MYPN: variants seen among roughly 807,000 people sequenced by gnomAD.
The protein encoded by MYPN is myopalladin.
In MYPN, 63 loss-of-function variants were observed where a neutral mutation model predicts 129.4. The observed-to-expected ratio is 0.49, with a 90% CI of 0.40 to 0.60. MYPN has a LOEUF of 0.60. MYPN is among the 20% of genes least tolerant of loss of function. The pLI is 0.00. For synonymous variants in MYPN, 629 were observed against 600.9 expected (o/e 1.05, Z -0.68); for missense variants, 1,596 against 1,635.4 (o/e 0.98, Z 0.42).
intron 10 of MYPN, among the ~76,000 whole-genome samples, chr10:68,173,550 G>T (rs1457143090): frequency 6.6e-6 from 1 of 151,784 alleles, no homozygotes; most frequent in African/African-American, 2.4e-5. Flanking sequence ...CTCTGGTTGT[G>T]TGTTCTTTAT....
rs59317396 is a variant in MYPN, at chr10:68,169,181, TAA to T, written c.1973+2541_1973+2542del. Among the ~76,000 whole-genome samples, 384 of 90,996 alleles carry T rather than the reference TAA, an allele frequency of 4.2e-3. 1 individual carries two copies. Among genetic ancestry groups the T allele is most frequent in the Non-Finnish European group, 5.6e-3 (300 of 53,798 alleles). The allele number at this position is 90,996 out of a possible 152,430, so 59.7% of individuals were successfully genotyped here. ...TAACACGGTGAAACTCCGTCTCTAC[TAA>T]AAAAAAAAAAAAAAAAAAAAAAAAA... is the stretch of plus-strand genomic sequence containing the variant. On this transcript the variant is annotated intron_variant, in intron 10 of 19. Transcript: ENST00000358913.
At chr10:68,142,292 A>G (rs1293025791) in intron 2 of MYPN, among the ~76,000 whole-genome samples, 2 of 152,302 alleles carry the variant, frequency 1.3e-5, no homozygotes, top group East Asian at 3.9e-4. Flanking sequence ...ACATTATTTT[A>G]TATAGTATTT....
intron 10 of MYPN, among the ~76,000 whole-genome samples, chr10:68,167,149 C>G (rs1331150359): frequency 6.6e-6 from 1 of 152,194 alleles, no homozygotes; most frequent in East Asian, 1.9e-4. Flanking sequence ...TCACTATTAT[C>G]CTTAATTAAT....
chr10:68,171,649 T>C (rs1454292344), intron 10 of MYPN, among the ~76,000 whole-genome samples: 1 of 152,230 alleles, frequency 6.6e-6, no homozygotes, highest in Non-Finnish European at 1.5e-5. Flanking sequence ...GGTTCATTTG[T>C]CTTTTACAGT....
chr10:68,186,365 A>G (rs899102217), intron 12 of MYPN, among the ~76,000 whole-genome samples: 1 of 152,196 alleles, frequency 6.6e-6, no homozygotes, highest in African/African-American at 2.4e-5. Flanking sequence ...TGAATGTATA[A>G]GGCAGTAATT....
chr10:68,125,443 G>T (rs760998910), intron 2 of MYPN, among the ~76,000 whole-genome samples: 5 of 152,116 alleles, frequency 3.3e-5, no homozygotes, highest in Admixed American at 3.3e-4. Flanking sequence ...AGAATTGTCC[G>T]AGTAGACTAT....
intron 2 of MYPN, among the ~76,000 whole-genome samples, chr10:68,130,358 G>A (rs1198808999): frequency 6.6e-6 from 1 of 151,878 alleles, no homozygotes; most frequent in Admixed American, 6.6e-5. Context: ...TACTCGGGAG[G>A]CTGAGGCAGG....
At chr10:68,179,208 C>T (rs10997980) in intron 12 of MYPN, among the ~76,000 whole-genome samples, 10,601 of 152,146 alleles carry the variant, frequency 0.07, 502 homozygotes, top group East Asian at 0.27. Flanking sequence ...ATAGTCATGC[C>T]ATTCATTCCC....
chr10:68,129,171 T>A (rs977778253), intron 2 of MYPN, among the ~76,000 whole-genome samples: 1 of 152,220 alleles, frequency 6.6e-6, no homozygotes, highest in South Asian at 2.1e-4. Flanking sequence ...AATCAGGATG[T>A]CTAGGGAAGA....
chr10:68,167,583 TAAAA>T (rs10712187), intron 10 of MYPN, among the ~76,000 whole-genome samples: 1 of 151,942 alleles, frequency 6.6e-6, no homozygotes. Context: ...ATCAAAATGA[TAAAA>T]AAATTGTTTC....
At chr10:68,106,792 T>A, upstream of MYPN, 2 of 717,312 alleles carry the variant, frequency 2.8e-6, no homozygotes, top group South Asian at 3.0e-5. Context: ...TTCCTGTGGA[T>A]CATCCCAATG....
At position 68,201,918 on chromosome 10, in the gene MYPN, G is replaced by A. The variant is rs71534280; in HGVS notation, c.3583G>A (p.Val1195Met). Residue 1195 changes from valine to methionine, a missense_variant, in exon 18 of 20, where the codon GTG becomes ATG. Val to Met is a conservative substitution (Grantham distance 21, BLOSUM62 1). Coordinates refer to ENST00000358913, the MANE Select transcript of MYPN (RefSeq NM_032578.4). ...EGHPVRLECR[V>M]IGMPPPVFYW... ...CCACCCCGTGAGACTGGAGTGCCGCGTGATAGGCATGCCCCCACCTGTGTT... is the reference window on the plus strand; with the variant it reads ...CCACCCCGTGAGACTGGAGTGCCGCATGATAGGCATGCCCCCACCTGTGTT... 2.0e-4 allele frequency: 322 copies of A among 1,614,172 alleles called. 1 individual carries two copies. In the African/African-American group the frequency reaches 2.7e-3, roughly 14 times the overall value.
intron 13 of MYPN, among the ~76,000 whole-genome samples, chr10:68,189,531 C>T (rs534635755): frequency 2.8e-4 from 43 of 152,250 alleles, no homozygotes; most frequent in Admixed American, 5.2e-4. Flanking sequence ...TCTATCCTTC[C>T]CAGCCTGTGG....
chr10:68,108,143 A>C (rs900424162), upstream of MYPN, among the ~76,000 whole-genome samples: 5 of 152,226 alleles, frequency 3.3e-5, no homozygotes, highest in African/African-American at 1.2e-4. Context: ...TGGTAATGAG[A>C]ATAACCTGTA....
At chr10:68,102,802 T>C (rs1445517092), upstream of MYPN, among the ~76,000 whole-genome samples, 3 of 152,228 alleles carry the variant, frequency 2.0e-5, no homozygotes, top group South Asian at 4.1e-4. Context: ...AGTGGACTTA[T>C]AATAGATTTA....
intron 2 of MYPN, among the ~76,000 whole-genome samples, chr10:68,125,912 T>C (rs2042318996): frequency 6.6e-6 from 1 of 152,152 alleles, no homozygotes; most frequent in African/African-American, 2.4e-5. Flanking sequence ...ATCTAATAGC[T>C]AGGAATCAGG....
rs958984454 is a variant in MYPN at position 68,206,630 on chromosome 10, CTT to C, written c.3660-139_3660-138del. 5.2e-6 allele frequency: 6 copies of C among 1,150,212 alleles called. No individual in the cohort carries two copies. In the African/African-American group the frequency reaches 9.1e-5, roughly 17 times the overall value. The allele number at this position is 1,150,212 out of a possible 1,614,324, so 71.3% of individuals were successfully genotyped here. Reference sequence around the variant, plus strand: ...TAGCATGATTAAGCTCACTGCTGCTCTTCTTTGACGTCTTCCACCTTCAAATT... The same window carrying C: ...TAGCATGATTAAGCTCACTGCTGCTCCTTTGACGTCTTCCACCTTCAAATT... On this transcript the variant is annotated intron_variant, in intron 18 of 19. Coordinates refer to ENST00000358913, the MANE Select transcript of MYPN (RefSeq NM_032578.4).
chr10:68,093,113 A>T (rs10823133), intron 1 of MYPN, among the ~76,000 whole-genome samples: 2 of 151,952 alleles, frequency 1.3e-5, no homozygotes, highest in African/African-American at 4.8e-5. Flanking sequence ...CTTGAGCTCA[A>T]GTGATCCTCC....
chr10:68,094,746 G>C (rs1011736947), intron 1 of MYPN, among the ~76,000 whole-genome samples: 1 of 152,138 alleles, frequency 6.6e-6, no homozygotes, highest in African/African-American at 2.4e-5. Context: ...ACAAAAAATA[G>C]GTGGGTGTGA....
Sources: gnomAD v4.1 joint callset for allele counts (sites outside exome capture counted in the v4.1 genomes callset) on GRCh38, gnomAD v4.1.1 for gene constraint, MANE v1.5 for transcripts, NCBI Gene and HGNC (gene_info 2026-07-23, HGNC 2026-07-21) for gene names.